TRERF1: variants seen among roughly 807,000 people sequenced by gnomAD.
TRERF1 encodes the protein transcriptional regulating factor 1, also known as transcriptional-regulating factor 1.
A neutral mutation model predicts 122.9 loss-of-function variants in TRERF1; 27 were observed. The ratio of observed to expected loss-of-function variants is 0.22; its 90% CI spans 0.16 to 0.30. The LOEUF (loss-of-function observed/expected upper bound fraction) is 0.30, where lower values mean the gene tolerates loss of function less well. Among genes scored for constraint, TRERF1 ranks in the 10% least tolerant of loss-of-function variants. The pLI, the probability that TRERF1 is intolerant of heterozygous loss-of-function variation, is 1.00. For missense variants in TRERF1, 1,248 were observed against 1,560.3 expected, an observed-to-expected ratio of 0.80 and a Z score of 3.37; for synonymous variants, 636 against 641.7, an observed-to-expected ratio of 0.99 and a Z score of 0.13.
chr6:42,424,686 C>T (rs1221302957), intron 2 of TRERF1, among the ~76,000 whole-genome samples: 3 of 152,188 alleles, frequency 2.0e-5, no homozygotes, highest in African/African-American at 7.2e-5. Flanking sequence ...ATGCTTGCTA[C>T]TGCACAGCTT....
chr6:42,227,483 A>G (rs940208240), exon 18 of TRERF1: 1 of 152,216 alleles, frequency 6.6e-6, no homozygotes, highest in African/African-American at 2.4e-5. Context: ...AGGTACTTCA[A>G]TATGTGTCCT....
chr6:42,381,316 CCTTAAAACAAGGCGCTGGTTG>C (rs1562102072), intron 2 of TRERF1, among the ~76,000 whole-genome samples: 1 of 149,608 alleles, frequency 6.7e-6, no homozygotes, highest in Non-Finnish European at 1.5e-5. Context: ...TTTGGTGGTT[CCTTAAAACAAGGCGCTGGTTG>C]AACCAGCGCC....
chr6:42,317,813 T>C (rs997649975), intron 3 of TRERF1, among the ~76,000 whole-genome samples: 2 of 152,166 alleles, frequency 1.3e-5, no homozygotes, highest in African/African-American at 4.8e-5. Context: ...TTATATTGTA[T>C]ACATAATTTT....
Position 42,228,523 on chromosome 6 carries a change from G to C in TRERF1, c.3425C>G (p.Pro1142Arg), listed in dbSNP as rs527323317. ...CAGCTGGTCCAGGGGCAGCAGCCCC[G>C]GCGCCCCCACGGGCCCCGTAGTCCT... Residue 1142 changes from proline to arginine, a missense_variant, in exon 18 of 18, where the codon CCG (proline) becomes CGG (arginine). Pro to Arg is a moderately radical substitution (Grantham distance 103). This residue lies in a region of TRERF1 where 84 missense variants were observed against 116.0 expected (regional missense o/e 0.72). Transcript: ENST00000372922. This position sits in a 1 kb window ranked among gnomAD's most constrained non-coding sequence, Gnocchi z 4.2. 1 of 1,614,156 alleles carries C rather than the reference G, an allele frequency of 6.2e-7. No individual in the cohort carries two copies. Among genetic ancestry groups the C allele is most frequent in the Non-Finnish European group, 8.5e-7 (1 of 1,180,036 alleles).
At chr6:42,392,921 T>TACACACATACACACAC (rs1432678209) in intron 2 of TRERF1, among the ~76,000 whole-genome samples, 1 of 42,960 alleles carries the variant, frequency 2.3e-5, no homozygotes, top group African/African-American at 7.9e-5. Context: ...CACACACACA[T>TACACACATACACACAC]ACACACACAT....
rs1006515163 is a variant in TRERF1, at chr6:42,263,950, G to A, written c.1636-382C>T. Among the ~76,000 whole-genome samples the A allele has an allele frequency of 2.0e-5, 3 of 152,172 alleles. No homozygotes were observed. Among genetic ancestry groups the A allele is most frequent in the African/African-American group, 7.2e-5 (3 of 41,428 alleles). ...TTCACTCATTTGTCAAATGGAAATA[G>A]GCATTCCATCCTAAATTTTATTCAG... On this transcript the variant is annotated intron_variant, in intron 7 of 17. Coordinates refer to ENST00000372922, the Ensembl canonical transcript of TRERF1. This position sits in a 1 kb window ranked among gnomAD's most constrained non-coding sequence, Gnocchi z 5.6.
At chr6:42,242,147 C>T (rs1324941475) in intron 15 of TRERF1, among the ~76,000 whole-genome samples, 1 of 152,200 alleles carries the variant, frequency 6.6e-6, no homozygotes, top group Non-Finnish European at 1.5e-5. Flanking sequence ...ACAAGGGAAT[C>T]AGGCTTAACA....
In TRERF1 at chr6:42,260,771, G is replaced by A. The variant is rs143547956; in HGVS notation, c.1885-1048C>T. Among the ~76,000 whole-genome samples, 198 of 152,236 alleles carry A rather than the reference G, an allele frequency of 1.3e-3. 1 individual carries two copies. Among genetic ancestry groups the A allele is most frequent in the African/African-American group, 4.3e-3 (180 of 41,538 alleles). On this transcript the variant is annotated intron_variant, in intron 8 of 17. Transcript: ENST00000372922. ...GGAAGCAGCAGGGGGTGATGGGAAG[G>A]GCTGGCTACGGTCATGTGACCATCT...
chr6:42,320,178 C>A (rs986650668), intron 3 of TRERF1, among the ~76,000 whole-genome samples: 1 of 152,050 alleles, frequency 6.6e-6, no homozygotes, highest in African/African-American at 2.4e-5. Context: ...GGATTACAGG[C>A]ATGAGCCACC....
chr6:42,268,658 C>G lies in TRERF1; in HGVS notation c.933G>C (p.Gln311His). 1 of 1,613,976 alleles carries G rather than the reference C, an allele frequency of 6.2e-7. No homozygotes were observed. The highest frequency in any genetic ancestry group is 1.6e-4 in the Middle Eastern group (1 of 6,062). Reference sequence around the variant, plus strand: ...AACCCTGCCGCTGCTGCAGCTGTAGCTGCTGCGGCTGCTGCTGCTGTGGCG... The same window carrying G: ...AACCCTGCCGCTGCTGCAGCTGTAGGTGCTGCGGCTGCTGCTGCTGTGGCG... The change falls in exon 5 of 18, where the codon CAG becomes CAC. Residue 311 changes from glutamine (Q) to histidine (H), a missense_variant. Physicochemically the swap from Gln to His is conservative, Grantham distance 24. Transcript: ENST00000372922. This position sits in a 1 kb window ranked among gnomAD's most constrained non-coding sequence, Gnocchi z 4.4.
chr6:42,340,591 TC>T (rs1767082414), intron 3 of TRERF1, among the ~76,000 whole-genome samples: 2 of 152,048 alleles, frequency 1.3e-5, no homozygotes, highest in African/African-American at 4.8e-5. Flanking sequence ...AAAAGAAAAC[TC>T]CTCAATTTAT....
chr6:42,308,816 G>A (rs1561958589), intron 3 of TRERF1, among the ~76,000 whole-genome samples: 1 of 152,138 alleles, frequency 6.6e-6, no homozygotes, highest in African/African-American at 2.4e-5. Flanking sequence ...GAGAGGAGCA[G>A]AAAAGATTAC....
intron 3 of TRERF1, among the ~76,000 whole-genome samples, chr6:42,349,283 T>A (rs924110150): frequency 2.0e-5 from 3 of 151,956 alleles, no homozygotes; most frequent in Admixed American, 2.0e-4. Flanking sequence ...TGTCTTTTTT[T>A]TTTTCCACTG....
At chr6:42,376,536 CTTTTTTTTTTTT>C (rs781389630) in intron 2 of TRERF1, among the ~76,000 whole-genome samples, 5,953 of 96,426 alleles carry the variant, frequency 0.062, 241 homozygotes, top group Non-Finnish European at 0.085. Flanking sequence ...TCGTCTAATT[CTTTTTTTTTTTT>C]TTTTTTTTTT....
intron 3 of TRERF1, among the ~76,000 whole-genome samples, chr6:42,353,510 C>T (rs1290627602): frequency 2.0e-5 from 3 of 152,076 alleles, no homozygotes; most frequent in Non-Finnish European, 1.5e-5. Flanking sequence ...ATCACTTGAA[C>T]CCAGGAGGTG....
chr6:42,344,410 G>A (rs1767881813), intron 3 of TRERF1, among the ~76,000 whole-genome samples: 1 of 152,106 alleles, frequency 6.6e-6, no homozygotes, highest in South Asian at 2.1e-4. Flanking sequence ...TGTAAATGAG[G>A]AAACTGAGGC....
chr6:42,233,493 G>A lies in TRERF1; in HGVS notation c.3067-601C>T, dbSNP rs529110077. Among the ~76,000 whole-genome samples the A allele has an allele frequency of 6.6e-5, 10 of 152,012 alleles. No individual in the cohort carries two copies. The South Asian group carries it at 1.2e-3, about 19-fold the overall frequency. On this transcript the variant is annotated intron_variant, in intron 16 of 17. Transcript: ENST00000372922. ...GTAGAGACAGGGTTTCACCGTGTTA[G>A]CCAGGATGGTCTCGATCTCCTGACC...
chr6:42,381,019 T>C (rs1375911158), intron 2 of TRERF1, among the ~76,000 whole-genome samples: 1 of 152,190 alleles, frequency 6.6e-6, no homozygotes, highest in Non-Finnish European at 1.5e-5. Context: ...CTCAAATATC[T>C]TCCATCAGGC....
At chr6:42,380,963 G>C (rs550107720) in intron 2 of TRERF1, among the ~76,000 whole-genome samples, 1 of 152,326 alleles carries the variant, frequency 6.6e-6, no homozygotes, top group East Asian at 1.9e-4. Context: ...TTTCCATGAG[G>C]ATTCTCTTTG....
Sources: gnomAD v4.1 joint callset for allele counts (sites outside exome capture counted in the v4.1 genomes callset) on GRCh38, gnomAD v4.1.1 for gene constraint, gnomAD v4.1.1 regional missense constraint, Gnocchi (gnomAD v3.1) non-coding constraint, MANE v1.5 for transcripts, NCBI Gene and HGNC (gene_info 2026-07-23, HGNC 2026-07-21) for gene names.